PTPRD: variants seen among roughly 807,000 people sequenced by gnomAD.
The protein encoded by PTPRD is protein tyrosine phosphatase receptor type D.
PTPRD carries 34 observed loss-of-function variants against 214.5 expected under a neutral mutation model. The ratio of observed to expected loss-of-function variants is 0.16; its 90% CI spans 0.12 to 0.21. The LOEUF is 0.21. PTPRD is among the 10% of genes least tolerant of loss of function. PTPRD has a pLI of 1.00. For synonymous variants in PTPRD, 1,128 were observed against 845.7 expected, an observed-to-expected ratio of 1.33 and a Z score of -5.79; for missense variants, 2,545 against 2,398.7, an observed-to-expected ratio of 1.06 and a Z score of -1.27.
rs560352400 is a variant in PTPRD, at chr9:8,825,117, T to G, written c.-103-91171A>C. Among the ~76,000 whole-genome samples the G allele has an allele frequency of 2.0e-5, 3 of 152,306 alleles. 1 individual carries two copies. In the East Asian group the frequency reaches 5.8e-4, roughly 29 times the overall value. On this transcript the variant is annotated intron_variant, in intron 11 of 45. Coordinates refer to ENST00000381196, the MANE Select transcript of PTPRD (RefSeq NM_002839.4). The stretch of plus-strand genomic sequence containing the variant: ...TACCTTTAAATATTTATGAGTTGGG[T>G]AAATTTCTTTCTTTTTGAGGTCCCA...
chr9:9,226,069 T>A (rs3923794), intron 9 of PTPRD, among the ~76,000 whole-genome samples: 31,778 of 151,982 alleles, frequency 0.21, 3,986 homozygotes, highest in Middle Eastern at 0.33. Context: ...GTCAAATTTA[T>A]CAGTATCTAA....
chr9:9,641,162 T>G (rs955819496), intron 7 of PTPRD, among the ~76,000 whole-genome samples: 4 of 116,194 alleles, frequency 3.4e-5, no homozygotes, highest in Non-Finnish European at 6.5e-5. Flanking sequence ...GTTCTGTTGA[T>G]GCTGCTTAGC....
At chr9:9,897,898 C>A (rs536170516) in intron 5 of PTPRD, among the ~76,000 whole-genome samples, 30 of 152,112 alleles carry the variant, frequency 2.0e-4, no homozygotes, top group African/African-American at 6.3e-4. Context: ...ACAGGTCAGA[C>A]GGTCTCTGTT....
chr9:9,432,421 A>G (rs2083557988), intron 8 of PTPRD, among the ~76,000 whole-genome samples: 1 of 152,218 alleles, frequency 6.6e-6, no homozygotes, highest in Non-Finnish European at 1.5e-5. Flanking sequence ...AATTATTTTT[A>G]AAATGCTTCT....
In PTPRD at chr9:10,275,568, T is replaced by C. The variant is rs143738685; in HGVS notation, c.-545+65395A>G. Among the ~76,000 whole-genome samples the C allele has an allele frequency of 6.3e-3, 960 of 152,204 alleles. 9 individuals carry two copies. The highest frequency in any genetic ancestry group is 0.022 in the African/African-American group (898 of 41,540). ...ATAGATAGTGTTATATTTAGTATCA[T>C]TTTGGGGAAATGAAGGGAAGTTCGA... On this transcript the variant is annotated intron_variant, in intron 3 of 45. Coordinates refer to ENST00000381196, the MANE Select transcript of PTPRD (RefSeq NM_002839.4).
At chr9:8,600,735 T>A (rs1293769350) in intron 14 of PTPRD, among the ~76,000 whole-genome samples, 1 of 151,770 alleles carries the variant, frequency 6.6e-6, no homozygotes, top group Non-Finnish European at 1.5e-5. Flanking sequence ...AAAGAGCCCT[T>A]AGTCCCTAAA....
intron 10 of PTPRD, among the ~76,000 whole-genome samples, chr9:9,073,657 C>T (rs2099747023): frequency 6.6e-6 from 1 of 152,206 alleles, no homozygotes; most frequent in Non-Finnish European, 1.5e-5. Context: ...AGACTCTTAA[C>T]TGCACCTCCA....
intron 8 of PTPRD, among the ~76,000 whole-genome samples, chr9:9,492,359 A>T (rs535676842): frequency 4.0e-5 from 6 of 151,706 alleles, no homozygotes; most frequent in African/African-American, 1.2e-4. Context: ...TAAATTCTCC[A>T]ACTTTTCCCT....
chr9:10,514,199 G>C (rs1363650384), intron 2 of PTPRD, among the ~76,000 whole-genome samples: 4 of 151,768 alleles, frequency 2.6e-5, no homozygotes, highest in African/African-American at 9.7e-5. Context: ...TTTATACATA[G>C]ATACATATAT....
intron 7 of PTPRD, among the ~76,000 whole-genome samples, chr9:9,648,625 C>T (rs1407972981): frequency 1.3e-5 from 2 of 152,112 alleles, no homozygotes; most frequent in Non-Finnish European, 2.9e-5. Flanking sequence ...AAACAGTAAA[C>T]ATGAGAGACT....
intron 2 of PTPRD, among the ~76,000 whole-genome samples, chr9:10,530,100 A>T (rs1478104307): frequency 5.9e-5 from 9 of 152,180 alleles, no homozygotes. Flanking sequence ...TATTGCAGTG[A>T]TTGACACCCG....
At chr9:10,333,628 A>C (rs2096791540) in intron 3 of PTPRD, among the ~76,000 whole-genome samples, 1 of 151,862 alleles carries the variant, frequency 6.6e-6, no homozygotes, top group Non-Finnish European at 1.5e-5. Flanking sequence ...AAATCTTAGC[A>C]AGGAATTTTA....
At chr9:8,675,178 C>T (rs144863172) in intron 12 of PTPRD, among the ~76,000 whole-genome samples, 2 of 152,006 alleles carry the variant, frequency 1.3e-5, no homozygotes, top group South Asian at 4.2e-4. Context: ...GTTGATTCCA[C>T]CCGGGTTTGA....
intron 3 of PTPRD, among the ~76,000 whole-genome samples, chr9:10,125,622 T>TTGTGTG (rs35164422): frequency 0.04 from 5,590 of 139,266 alleles, 146 homozygotes; most frequent in Middle Eastern, 0.12. Context: ...GCTCGGCTAA[T>TTGTGTG]TGTGTGTGTG....
In PTPRD at chr9:8,377,156, T is replaced by C. The variant is rs572466781; in HGVS notation, c.4387-430A>G. ...ATTTAAAAAGCACAACTTCCAAATA[T>C]GCTTGTTTAAAGAAAAGTAGAAATA... is the stretch of plus-strand genomic sequence containing the variant. On this transcript the variant is annotated intron_variant, in intron 37 of 45. Coordinates refer to ENST00000381196, the MANE Select transcript of PTPRD (RefSeq NM_002839.4). 5.3e-5 allele frequency among the ~76,000 whole-genome samples: 8 copies of C among 152,230 alleles called. No individual in the cohort carries two copies. In the South Asian group the frequency reaches 1.2e-3, roughly 24 times the overall value.
intron 44 of PTPRD, among the ~76,000 whole-genome samples, chr9:8,329,090 C>G: frequency 6.6e-6 from 1 of 152,030 alleles, no homozygotes; most frequent in African/African-American, 2.4e-5. Context: ...GAGTTGTGAT[C>G]CTTTGGAGGA....
At chr9:10,266,957 G>A (rs1564891040) in intron 3 of PTPRD, among the ~76,000 whole-genome samples, 1 of 152,088 alleles carries the variant, frequency 6.6e-6, no homozygotes, top group South Asian at 2.1e-4. Flanking sequence ...TTGGGAGGCC[G>A]AGGCGGGCGA....
chr9:8,564,989 T>C lies in PTPRD; in HGVS notation c.353-36210A>G, dbSNP rs116332382. 3.3e-3 allele frequency among the ~76,000 whole-genome samples: 502 copies of C among 152,284 alleles called. 3 individuals are homozygous for C. Among genetic ancestry groups the C allele is most frequent in the African/African-American group, 0.012 (486 of 41,552 alleles). The stretch of plus-strand genomic sequence containing the variant: ...GTTGGATAAAAATCCTCAGCAAAAT[T>C]TGTCTCTAGAAATACAAAAGCTCCT... On this transcript the variant is annotated intron_variant, in intron 14 of 45. Transcript: ENST00000381196.
At chr9:8,510,566 C>G (rs2097657776) in intron 21 of PTPRD, among the ~76,000 whole-genome samples, 2 of 152,128 alleles carry the variant, frequency 1.3e-5, no homozygotes, top group Non-Finnish European at 2.9e-5. Context: ...TTCTTAATTA[C>G]TAAAAATTAA....
Sources: gnomAD v4.1 joint callset for allele counts (sites outside exome capture counted in the v4.1 genomes callset) on GRCh38, gnomAD v4.1.1 for gene constraint, MANE v1.5 for transcripts, NCBI Gene and HGNC (gene_info 2026-07-23, HGNC 2026-07-21) for gene names.